Variants in RSU1 observed in about 807,000 individuals in gnomAD.
RSU1 encodes the protein Ras suppressor protein 1.
A neutral mutation model predicts 31.1 loss-of-function variants in RSU1; 26 were observed. The observed-to-expected ratio is 0.84, with a 90% confidence interval of 0.61 to 1.16. The LOEUF (loss-of-function observed/expected upper bound fraction) is 1.16. Ranked by LOEUF, RSU1 falls within the 50% of genes most tolerant of loss-of-function variation. RSU1 has a pLI of 0.00. For synonymous variants in RSU1, 164 were observed against 136.3 expected, an observed-to-expected ratio of 1.20 and a Z score of -1.41; for missense variants, 320 against 339.1, an observed-to-expected ratio of 0.94 and a Z score of 0.44.
chr10:16,739,398 A>T (rs1376104093), intron 7 of RSU1, among the ~76,000 whole-genome samples: 1 of 148,114 alleles, frequency 6.8e-6, no homozygotes, highest in African/African-American at 2.5e-5. Flanking sequence ...TTTAATAATC[A>T]CCATTCTAAC....
chr10:16,816,950 G>T (rs754970668), intron 2 of RSU1, 23 bp downstream of exon 2: 5 of 1,533,046 alleles, frequency 3.3e-6, no homozygotes, highest in Non-Finnish European at 4.5e-6. Context: ...TCATCCACGG[G>T]AGAGTCCTGC....
At chr10:16,656,611 T>C (rs940983209) in intron 8 of RSU1, among the ~76,000 whole-genome samples, 30 of 152,366 alleles carry the variant, frequency 2.0e-4, no homozygotes, top group Middle Eastern at 3.4e-3. Flanking sequence ...TTAGCTTCGC[T>C]ATTCCTTTCC....
At chr10:16,667,350 CT>C (rs964530123) in intron 8 of RSU1, among the ~76,000 whole-genome samples, 2 of 152,314 alleles carry the variant, frequency 1.3e-5, no homozygotes, top group Non-Finnish European at 2.9e-5. Context: ...AATTAACCTC[CT>C]TTCAGTTACT....
chr10:16,783,656 A>G (rs1476851289), intron 2 of RSU1, among the ~76,000 whole-genome samples: 2 of 111,526 alleles, frequency 1.8e-5, no homozygotes, highest in Non-Finnish European at 3.2e-5. Flanking sequence ...GTCCGGCCGC[A>G]TGTTTTTTTT....
At chr10:16,711,712 G>A (rs1292918309) in intron 7 of RSU1, among the ~76,000 whole-genome samples, 1 of 152,084 alleles carries the variant, frequency 6.6e-6, no homozygotes, top group Non-Finnish European at 1.5e-5. Context: ...TGCTCATGTT[G>A]TTGTTTTCTA....
chr10:16,765,778 C>T (rs1306299254), intron 3 of RSU1, among the ~76,000 whole-genome samples: 2 of 152,202 alleles, frequency 1.3e-5, no homozygotes, highest in South Asian at 2.1e-4. Flanking sequence ...TCTTATCAGT[C>T]AGGTTTACTT....
intron 2 of RSU1, among the ~76,000 whole-genome samples, chr10:16,786,987 G>A (rs183790286): frequency 1.7e-4 from 26 of 152,206 alleles, no homozygotes; most frequent in Non-Finnish European, 2.2e-4. Context: ...AGGGAGGTGC[G>A]GATCGGATCG....
intron 8 of RSU1, among the ~76,000 whole-genome samples, chr10:16,650,474 A>G (rs1288128446): frequency 2.0e-5 from 3 of 152,206 alleles, no homozygotes; most frequent in Non-Finnish European, 4.4e-5. Context: ...TCTTTTGAGA[A>G]GAGACTTACA....
chr10:16,776,283 G>A (rs1784346879), intron 3 of RSU1, among the ~76,000 whole-genome samples: 1 of 152,096 alleles, frequency 6.6e-6, no homozygotes, highest in Non-Finnish European at 1.5e-5. Context: ...TGTGAAATAT[G>A]CTGCTTAATT....
chr10:16,699,534 C>T (rs1835744875), intron 7 of RSU1, among the ~76,000 whole-genome samples: 1 of 152,252 alleles, frequency 6.6e-6, no homozygotes, highest in Non-Finnish European at 1.5e-5. Flanking sequence ...ACCCCGCTGT[C>T]AGTCAGCCTG....
chr10:16,633,738 G>A (rs1040158260), intron 8 of RSU1, among the ~76,000 whole-genome samples: 6 of 152,234 alleles, frequency 3.9e-5, no homozygotes, highest in Middle Eastern at 3.4e-3. Context: ...TTAACTCCAC[G>A]ATTCCATGGG....
chr10:16,722,823 T>C (rs1013950913), intron 7 of RSU1, among the ~76,000 whole-genome samples: 1 of 147,822 alleles, frequency 6.8e-6, no homozygotes, highest in Non-Finnish European at 1.5e-5. Flanking sequence ...TATATACATG[T>C]ATACAGCCAC....
Position 16,682,476 on chromosome 10 carries a change from C to A in RSU1, c.731+12547G>T, listed in dbSNP as rs558766310. Among the ~76,000 whole-genome samples, 13 of 149,980 alleles carry A rather than the reference C, an allele frequency of 8.7e-5. 1 individual carries two copies. In the East Asian group the frequency reaches 1.8e-3, roughly 21 times the overall value. On this transcript the variant is annotated intron_variant, in intron 8 of 8. Transcript: ENST00000345264. ...AAATATAGTAATTAAGAAAATTAATCCTTTATCAGAAACCCTTGTAGCAGA... is the reference window on the plus strand; with the variant it reads ...AAATATAGTAATTAAGAAAATTAATACTTTATCAGAAACCCTTGTAGCAGA...
chr10:16,623,147 GAATAGTTTTTC>G (rs751737131), intron 8 of RSU1, among the ~76,000 whole-genome samples: 7 of 152,092 alleles, frequency 4.6e-5, no homozygotes, highest in Non-Finnish European at 8.8e-5. Context: ...CATGTACTGA[GAATAGTTTTTC>G]AATAGTTTTT....
intron 8 of RSU1, among the ~76,000 whole-genome samples, chr10:16,684,023 G>A (rs1469415447): frequency 6.6e-6 from 1 of 152,156 alleles, no homozygotes; most frequent in East Asian, 1.9e-4. Flanking sequence ...TGTCATACTG[G>A]CTGTCCTTAG....
intron 5 of RSU1, among the ~76,000 whole-genome samples, chr10:16,754,258 A>C (rs979949092): frequency 4.6e-5 from 7 of 152,222 alleles, no homozygotes; most frequent in African/African-American, 1.7e-4. Context: ...ATAGTGCATG[A>C]GTTCCCAGAA....
At chr10:16,737,017 G>T (rs1168014090) in intron 7 of RSU1, among the ~76,000 whole-genome samples, 1 of 141,474 alleles carries the variant, frequency 7.1e-6, no homozygotes, top group South Asian at 2.5e-4. Flanking sequence ...CCAAAAGGGG[G>T]ATGGTGGGGG....
chr10:16,699,762 T>C (rs894046125), intron 7 of RSU1, among the ~76,000 whole-genome samples: 2 of 152,204 alleles, frequency 1.3e-5, no homozygotes, highest in African/African-American at 4.8e-5. Context: ...CACTCCTCAG[T>C]TGGAAGGCGC....
Position 16,696,990 on chromosome 10 carries a change from G to C in RSU1, c.599-1835C>G, listed in dbSNP as rs574973930. ...TTGTCTTCCATATAATTCCTTCATG[G>C]TTTTTTTCTCTAATTTTTCCTTTTC... On this transcript the variant is annotated intron_variant, in intron 7 of 8. Transcript: ENST00000345264. 4.6e-4 allele frequency among the ~76,000 whole-genome samples: 70 copies of C among 151,822 alleles called. 1 individual carries two copies. In the South Asian group the frequency reaches 0.014, roughly 30 times the overall value.
Sources: gnomAD v4.1 joint callset for allele counts (sites outside exome capture counted in the v4.1 genomes callset) on GRCh38, gnomAD v4.1.1 for gene constraint, MANE v1.5 for transcripts, NCBI Gene and HGNC (gene_info 2026-07-23, HGNC 2026-07-21) for gene names.